Variants in CBR4 observed in about 807,000 individuals in gnomAD.
CBR4 encodes carbonyl reductase 4, also known as 3-oxoacyl-[acyl-carrier-protein] reductase.
Under a neutral mutation model 21.0 loss-of-function variants are expected in CBR4, and 22 were observed. That is an observed-to-expected ratio of 1.05 (90% CI 0.75 to 1.50). CBR4 has a LOEUF of 1.50. Ranked by LOEUF, CBR4 falls within the 40% of genes most tolerant of loss-of-function variation. The probability of loss-of-function intolerance (pLI) is 0.00; values close to 1 mark genes in which losing one functional copy is unlikely to be tolerated. For synonymous variants in CBR4, 100 were observed against 104.4 expected (o/e 0.96, Z 0.26); for missense variants, 302 against 286.3 (o/e 1.05, Z -0.40).
chr4:168,929,467 T>C (rs1762899107), intron 2 of CBR4, among the ~76,000 whole-genome samples: 1 of 152,238 alleles, frequency 6.6e-6, no homozygotes, highest in Non-Finnish European at 1.5e-5. Context: ...CAAGATTCAT[T>C]ATATATTTTA....
At chr4:168,928,587 A>C (rs1582276891) in intron 2 of CBR4, 1 of 158,156 alleles carries the variant, frequency 6.3e-6, no homozygotes, top group East Asian at 1.6e-4. Flanking sequence ...TCTGTTCAGG[A>C]TCTTATAAAG....
intron 2 of CBR4, among the ~76,000 whole-genome samples, chr4:168,918,736 T>A (rs1163717567): frequency 6.6e-6 from 1 of 152,184 alleles, no homozygotes; most frequent in Non-Finnish European, 1.5e-5. Context: ...TCAGTTTAGG[T>A]ATTCCACAAC....
In CBR4 at chr4:168,929,159, G is replaced by A. The variant is rs1385207212; in HGVS notation, n.170-34394C>T. 3.9e-5 allele frequency among the ~76,000 whole-genome samples: 6 copies of A among 152,018 alleles called. No individual in the cohort carries two copies. In the East Asian group the frequency reaches 1.2e-3, roughly 29 times the overall value. ...TAAAAGTGAGGGGAAAAGGAAGAAAGTAAGTATAAATGGAACAAGGAATGA... is the reference window on the plus strand; with the variant it reads ...TAAAAGTGAGGGGAAAAGGAAGAAAATAAGTATAAATGGAACAAGGAATGA... On this transcript the variant is annotated intron_variant and non_coding_transcript_variant, in intron 2 of 3. Coordinates refer to the CBR4 transcript ENST00000509108.
rs113802455 is a variant in CBR4 at position 168,945,800 on chromosome 4, A to C, written n.170-51035T>G. 9.8e-4 allele frequency among the ~76,000 whole-genome samples: 149 copies of C among 152,288 alleles called. 1 individual carries two copies. Among genetic ancestry groups the C allele is most frequent in the African/African-American group, 3.5e-3 (144 of 41,568 alleles). Reference sequence around the variant, plus strand: ...ACTATGTCCCCAAACAACAACAAAAACTTAGACAATTTTGTGTTTATTTTT... The same window carrying C: ...ACTATGTCCCCAAACAACAACAAAACCTTAGACAATTTTGTGTTTATTTTT... On this transcript the variant is annotated intron_variant and non_coding_transcript_variant, in intron 2 of 3. Transcript: ENST00000509108.
At chr4:168,895,711 C>G (rs1019503723) in intron 2 of CBR4, among the ~76,000 whole-genome samples, 2 of 152,048 alleles carry the variant, frequency 1.3e-5, no homozygotes, top group African/African-American at 4.8e-5. Context: ...GTTGCAGAAG[C>G]GGAAGAAAAT....
chr4:169,002,957 T>C (rs1374218909), intron 3 of CBR4, among the ~76,000 whole-genome samples: 2 of 152,188 alleles, frequency 1.3e-5, no homozygotes, highest in African/African-American at 2.4e-5. Flanking sequence ...TTTACTGCTG[T>C]TGGGGTGCCA....
chr4:168,971,436 A>ATCTT (rs1764205875), intron 2 of CBR4, among the ~76,000 whole-genome samples: 1 of 114,118 alleles, frequency 8.8e-6, no homozygotes. Flanking sequence ...TGCCCAGCTC[A>ATCTT]TTTTTTTTTT....
chr4:168,999,508 T>A (rs1730225620), intron 4 of CBR4, among the ~76,000 whole-genome samples: 1 of 151,980 alleles, frequency 6.6e-6, no homozygotes, highest in African/African-American at 2.4e-5. Context: ...ATGGCCACAT[T>A]TTCAGCTACA....
intron 2 of CBR4, chr4:168,925,081 G>A (rs112478424): frequency 6.2e-7 from 1 of 1,613,856 alleles, no homozygotes; most frequent in Non-Finnish European, 8.5e-7. Flanking sequence ...CGTTTACAGT[G>A]AGTGCCACTT....
At chr4:168,916,491 A>ACTTTAAATTT (rs11280960) in intron 2 of CBR4, among the ~76,000 whole-genome samples, 1 of 151,412 alleles carries the variant, frequency 6.6e-6, no homozygotes, top group African/African-American at 2.4e-5. Context: ...ATGATTCTTT[A>ACTTTAAATTT]AATCTAAATT....
intron 2 of CBR4, chr4:168,928,056 A>G: frequency 5.1e-6 from 1 of 195,666 alleles, no homozygotes. Context: ...TTGTAAGAAC[A>G]CCAACCAACC....
intron 2 of CBR4, among the ~76,000 whole-genome samples, chr4:168,910,986 A>T (rs1214255577): frequency 1.3e-5 from 2 of 152,206 alleles, no homozygotes; most frequent in Non-Finnish European, 1.5e-5. Flanking sequence ...ATGCATGTCC[A>T]TGCATAATGT....
In CBR4 at chr4:168,903,860, C is replaced by T. The variant is rs864622388; in HGVS notation, n.170-9095G>A. 6.2e-7 allele frequency: 1 copy of T among 1,613,772 alleles called. No individual in the cohort carries two copies. Among genetic ancestry groups the T allele is most frequent in the Non-Finnish European group, 8.5e-7 (1 of 1,179,760 alleles). Reference sequence around the variant, plus strand: ...TGCTCCCTCCATACCACAGCCTCCACCCTAGATGATGATGGGAATTATACA... The same window carrying T: ...TGCTCCCTCCATACCACAGCCTCCATCCTAGATGATGATGGGAATTATACA... On this transcript the variant is annotated intron_variant and non_coding_transcript_variant, in intron 2 of 3. Coordinates refer to the CBR4 transcript ENST00000509108.
intron 4 of CBR4, among the ~76,000 whole-genome samples, chr4:169,000,914 G>A (rs1331152928): frequency 4.6e-5 from 7 of 152,102 alleles, no homozygotes; most frequent in Non-Finnish European, 7.4e-5. Context: ...GACCATAGTA[G>A]TAAAAGGACA....
At chr4:168,994,880 G>A (rs927133958) in intron 4 of CBR4, among the ~76,000 whole-genome samples, 17 of 149,784 alleles carry the variant, frequency 1.1e-4, no homozygotes, top group Non-Finnish European at 1.3e-4. Flanking sequence ...TTAGCCTCCC[G>A]AGTAGTTAGG....
chr4:168,953,102 G>A (rs1763588773), intron 2 of CBR4, among the ~76,000 whole-genome samples: 1 of 152,186 alleles, frequency 6.6e-6, no homozygotes, highest in Admixed American at 6.5e-5. Flanking sequence ...AGCTGCTGTG[G>A]AGGATGTGGG....
At chr4:168,926,333 A>T in intron 2 of CBR4, 2 of 1,537,406 alleles carry the variant, frequency 1.3e-6, no homozygotes, top group Non-Finnish European at 1.7e-6. Context: ...CCTGAGGCCA[A>T]CCCATCTCAC....
At chr4:168,905,133 T>G (rs1487569049) in intron 2 of CBR4, among the ~76,000 whole-genome samples, 1 of 129,342 alleles carries the variant, frequency 7.7e-6, no homozygotes, top group Admixed American at 8.7e-5. Context: ...TTTTTTGTTT[T>G]GTTGGTTTTT....
chr4:168,953,108 G>A (rs1228783800), intron 2 of CBR4, among the ~76,000 whole-genome samples: 2 of 152,194 alleles, frequency 1.3e-5, no homozygotes. Context: ...TGTGGAGGAT[G>A]TGGGTGAGGT....
Sources: allele counts gnomAD v4.1 joint callset (sites outside exome capture counted in the v4.1 genomes callset), GRCh38; gene constraint gnomAD v4.1.1; transcripts MANE v1.5; gene names NCBI Gene and HGNC (gene_info 2026-07-23, HGNC 2026-07-21).